CDYL2: variants seen among roughly 807,000 people sequenced by gnomAD.
CDYL2 encodes the protein chromodomain Y like 2, also known as chromodomain Y-like protein 2.
CDYL2 carries 23 observed loss-of-function variants against 49.4 expected under a neutral mutation model. The observed-to-expected ratio is 0.47, with a 90% CI of 0.34 to 0.66. The LOEUF is 0.66. Ranked by LOEUF, CDYL2 falls within the 30% of genes least tolerant of loss-of-function variation. The pLI is 0.01. For missense variants in CDYL2, 678 were observed against 656.4 expected, an observed-to-expected ratio of 1.03 and a Z score of -0.36; for synonymous variants, 360 against 268.8, an observed-to-expected ratio of 1.34 and a Z score of -3.32.
chr16:80,600,023 A>T lies in CDYL2; in HGVS notation c.*4365T>A, dbSNP rs1906012965. The T allele has an allele frequency of 6.6e-6, 1 of 152,152 alleles. No individual in the cohort carries two copies. The allele number at this position is 152,152 out of a possible 1,614,324, so 9.4% of individuals were successfully genotyped here. ...ATTACCCTTTTTAAATTTTTTTGCAACAAGCTTAAGGCTCTGTTCACAAAC... is the reference window on the plus strand; with the variant it reads ...ATTACCCTTTTTAAATTTTTTTGCATCAAGCTTAAGGCTCTGTTCACAAAC... On this transcript the variant is annotated 3_prime_UTR_variant, in exon 7 of 7. Coordinates refer to ENST00000570137, the MANE Select transcript of CDYL2 (RefSeq NM_152342.4).
intron 3 of CDYL2, 28 bp from the exon 4 acceptor site, chr16:80,620,963 T>C (rs373480000): frequency 2.8e-5 from 44 of 1,564,574 alleles, no homozygotes; most frequent in Admixed American, 3.6e-5. Context: ...TTTGCAGGGA[T>C]GTTAAGTGTC....
chr16:80,751,196 C>T (rs1054478763), intron 1 of CDYL2, among the ~76,000 whole-genome samples: 4 of 152,146 alleles, frequency 2.6e-5, no homozygotes, highest in African/African-American at 4.8e-5. Flanking sequence ...CCTCCACTTC[C>T]GGCCAAAACT....
intron 4 of CDYL2, 22 bp downstream of exon 4, chr16:80,620,741 T>C (rs751408334): frequency 2.6e-6 from 4 of 1,560,030 alleles, no homozygotes; most frequent in Admixed American, 1.9e-5. Flanking sequence ...CCCCAGGGTG[T>C]GTGAAAAGGA....
chr16:80,741,756 T>C (rs1905743258), intron 1 of CDYL2, among the ~76,000 whole-genome samples: 1 of 152,214 alleles, frequency 6.6e-6, no homozygotes, highest in South Asian at 2.1e-4. Flanking sequence ...TTCACAAAAT[T>C]GGCAAAAATT....
chr16:80,758,036 A>G (rs966681717), intron 1 of CDYL2, among the ~76,000 whole-genome samples: 2 of 152,204 alleles, frequency 1.3e-5, no homozygotes, highest in African/African-American at 4.8e-5. Context: ...AAGGCATTCC[A>G]ATACAGAGGT....
At chr16:80,641,727 T>C (rs1412594851) in intron 2 of CDYL2, among the ~76,000 whole-genome samples, 1 of 117,262 alleles carries the variant, frequency 8.5e-6, no homozygotes, top group Non-Finnish European at 1.6e-5. Context: ...AAGGGGAACA[T>C]CACACTCTGG....
chr16:80,682,235 A>T (rs930743), intron 2 of CDYL2, among the ~76,000 whole-genome samples: 2 of 152,110 alleles, frequency 1.3e-5, no homozygotes, highest in East Asian at 3.9e-4. Context: ...AGAACAAAAT[A>T]GAGGCCAGCA....
intron 2 of CDYL2, among the ~76,000 whole-genome samples, chr16:80,666,674 G>C (rs1052445220): frequency 6.6e-6 from 1 of 152,174 alleles, no homozygotes; most frequent in African/African-American, 2.4e-5. Context: ...ATGTTACCAT[G>C]AGCAGAGGCT....
rs71143647 is a variant in CDYL2 at position 80,748,122 on chromosome 16, AAATAATAATAATAATAATAAT to A, written c.24+56007_24+56027del. Among the ~76,000 whole-genome samples, 46 of 136,004 alleles carry A rather than the reference AAATAATAATAATAATAATAAT, an allele frequency of 3.4e-4. 1 individual carries two copies. The highest frequency in any genetic ancestry group is 1.1e-3 in the African/African-American group (42 of 37,280). 89.2% of individuals were successfully genotyped at this position (136,004 alleles called of 152,430 possible). On this transcript the variant is annotated intron_variant, in intron 1 of 6. Transcript: ENST00000570137. ...ACTCACAGGTGATTCTGGGAAGATT[AAATAATAATAATAATAATAAT>A]AATAATAATAATAATAATAATAATA...
chr16:80,789,419 G>T (rs977330127), intron 1 of CDYL2, among the ~76,000 whole-genome samples: 8 of 152,152 alleles, frequency 5.3e-5, no homozygotes, highest in Non-Finnish European at 1.2e-4. Flanking sequence ...GGCCGACATG[G>T]TGAAACCCCA....
At chr16:80,744,844 G>C (rs1165634917) in intron 1 of CDYL2, among the ~76,000 whole-genome samples, 1 of 152,130 alleles carries the variant, frequency 6.6e-6, no homozygotes. Flanking sequence ...GAAGGAAGTG[G>C]ACAGTCCTGG....
At chr16:80,804,792 C>T (rs1162908208), upstream of CDYL2, among the ~76,000 whole-genome samples, 1 of 149,900 alleles carries the variant, frequency 6.7e-6, no homozygotes, top group African/African-American at 2.4e-5. Context: ...GCCGGGTGCG[C>T]CCGATCTGGG....
intron 1 of CDYL2, among the ~76,000 whole-genome samples, chr16:80,791,636 G>C (rs746671323): frequency 6.6e-6 from 1 of 152,144 alleles, no homozygotes; most frequent in Non-Finnish European, 1.5e-5. Flanking sequence ...ATGTGACAAG[G>C]ATTGGTAACG....
Position 80,685,375 on chromosome 16 carries a change from A to G in CDYL2, c.25-246T>C, listed in dbSNP as rs551516490. Among the ~76,000 whole-genome samples, 15 of 152,308 alleles carry G rather than the reference A, an allele frequency of 9.8e-5. 1 individual carries two copies. The South Asian group carries it at 3.1e-3, about 32-fold the overall frequency. Reference sequence around the variant, plus strand: ...CCATTTCCCATGATGACGCTAGATGACACGCCCAGCTGGTGGTAGCCACAT... The same window carrying G: ...CCATTTCCCATGATGACGCTAGATGGCACGCCCAGCTGGTGGTAGCCACAT... On this transcript the variant is annotated intron_variant, in intron 1 of 6. Transcript: ENST00000570137.
chr16:80,644,518 A>G (rs1231119943), intron 2 of CDYL2, among the ~76,000 whole-genome samples: 1 of 152,196 alleles, frequency 6.6e-6, no homozygotes, highest in Non-Finnish European at 1.5e-5. Flanking sequence ...GGGGAACAAA[A>G]GAGGTTTAAT....
chr16:80,800,126 G>A (rs867969766), intron 1 of CDYL2, among the ~76,000 whole-genome samples: 4 of 152,156 alleles, frequency 2.6e-5, no homozygotes, highest in Admixed American at 6.5e-5. Context: ...GAACAAAGCT[G>A]GAAATGCACT....
At position 80,804,390 on chromosome 16, in the gene CDYL2, A is replaced by AGCAGCGGCG. The variant is rs1392546658; in HGVS notation, c.-226_-218dup. ...CGGCGGCGGGGCTGGCGTAACCGGC[A>AGCAGCGGCG]GCAGCGGCGGCGGCGGCGGCGGCGG... On this transcript the variant is annotated 5_prime_UTR_variant, in exon 1 of 7. Transcript: ENST00000570137. The AGCAGCGGCG allele has an allele frequency of 5.4e-6, 1 of 185,746 alleles. No homozygotes were observed. Among genetic ancestry groups the AGCAGCGGCG allele is most frequent in the South Asian group, 1.6e-4 (1 of 6,196 alleles). 11.5% of individuals were successfully genotyped at this position (185,746 alleles called of 1,614,324 possible). A position where few individuals can be genotyped will look rare whatever the true frequency, so the allele number is the denominator to read the frequency against.
At chr16:80,618,684 G>T (rs561418605) in intron 4 of CDYL2, among the ~76,000 whole-genome samples, 32 of 152,288 alleles carry the variant, frequency 2.1e-4, no homozygotes, top group African/African-American at 7.7e-4. Context: ...GCTGGGACAA[G>T]CCTCATCACC....
chr16:80,633,755 AG>A (rs1245068002), intron 2 of CDYL2, among the ~76,000 whole-genome samples: 2 of 152,152 alleles, frequency 1.3e-5, no homozygotes, highest in Non-Finnish European at 2.9e-5. Flanking sequence ...TTGAGATGAG[AG>A]GGGTGAATAC....
Sources: allele counts gnomAD v4.1 joint callset (sites outside exome capture counted in the v4.1 genomes callset), GRCh38; gene constraint gnomAD v4.1.1; transcripts MANE v1.5; gene names NCBI Gene and HGNC (gene_info 2026-07-23, HGNC 2026-07-21).